The following ATP1A2 variants were observed in gnomAD, a reference collection of about 807,000 sequenced individuals.
The protein encoded by ATP1A2 is ATPase Na+/K+ transporting subunit alpha 2, also known as sodium/potassium-transporting ATPase subunit alpha-2.
In ATP1A2, 56 loss-of-function variants were observed where a neutral mutation model predicts 113.1. The ratio of observed to expected loss-of-function variants is 0.49; its 90% CI spans 0.40 to 0.62. The LOEUF is 0.62. Ranked by LOEUF, ATP1A2 falls within the 20% of genes least tolerant of loss-of-function variation. The pLI is 0.00. For missense variants in ATP1A2, 712 were observed against 1,357.8 expected (o/e 0.52, Z 7.47); for synonymous variants, 490 against 526.8 (o/e 0.93, Z 0.96).
Position 160,134,533 on chromosome 1 carries a change from A to C in ATP1A2, c.1877A>C (p.Lys626Thr). ...CCTATCACAGCCAAGGCCATTGCCA[A>C]AGGCGTGGGCATCATATCAGAGGGT... ...DHPITAKAIA[K>T]GVGIISEGNE... Residue 626 changes from lysine to threonine, a missense_variant, in exon 14 of 23, where the codon AAA (lysine) becomes ACA (threonine). This residue lies in a region of ATP1A2 where 263 missense variants were observed against 380.6 expected (regional missense o/e 0.69). Transcript: ENST00000361216. 6.2e-7 allele frequency: 1 copy of C among 1,614,200 alleles called. No individual in the cohort carries two copies. Among genetic ancestry groups the C allele is most frequent in the Non-Finnish European group, 8.5e-7 (1 of 1,180,020 alleles).
intron 13 of ATP1A2, among the ~76,000 whole-genome samples, chr1:160,133,647 T>G (rs1651833275): frequency 6.6e-6 from 1 of 152,084 alleles, no homozygotes; most frequent in Non-Finnish European, 1.5e-5. Context: ...GTCCATTACA[T>G]TGCTGCAGTG....
chr1:160,128,194 C>T (rs1651645743), intron 8 of ATP1A2, among the ~76,000 whole-genome samples: 1 of 152,192 alleles, frequency 6.6e-6, no homozygotes, highest in Admixed American at 6.5e-5. Flanking sequence ...GAAACAGATA[C>T]TGCTGTCCAC....
At chr1:160,138,631 CAA>C (rs1336664778) in intron 20 of ATP1A2, among the ~76,000 whole-genome samples, 2 of 152,080 alleles carry the variant, frequency 1.3e-5, no homozygotes, top group Non-Finnish European at 2.9e-5. Context: ...CAATTGAGCC[CAA>C]GAGTTTGGTA....
intron 22 of ATP1A2, chr1:160,140,567 G>T: frequency 6.0e-6 from 1 of 167,066 alleles, no homozygotes; most frequent in Non-Finnish European, 1.3e-5. Context: ...GAAAATTTAG[G>T]GTCTTTCACA....
intron 1 of ATP1A2, among the ~76,000 whole-genome samples, chr1:160,118,636 G>A (rs1178595516): frequency 1.3e-5 from 2 of 152,116 alleles, no homozygotes; most frequent in East Asian, 3.9e-4. Context: ...TTCAGGTGGA[G>A]ACAAACCCAC....
At chr1:160,120,780 C>T in intron 1 of ATP1A2, 126 bp from the exon 2 acceptor site, 1 of 958,100 alleles carries the variant, frequency 1.0e-6, no homozygotes, top group Non-Finnish European at 1.6e-6. Flanking sequence ...TCCCCCCTAT[C>T]TCCCCCAAGG....
At chr1:160,128,388 A>C in intron 8 of ATP1A2, 1 of 939,906 alleles carries the variant, frequency 1.1e-6, no homozygotes, top group Non-Finnish European at 1.6e-6. Context: ...GATGACTCAG[A>C]CATCCCTATG....
chr1:160,137,191 G>C, intron 20 of ATP1A2, 160 bp downstream of exon 20: 1 of 1,233,854 alleles, frequency 8.1e-7, no homozygotes, highest in Non-Finnish European at 1.1e-6. Flanking sequence ...TCATATAGAA[G>C]AGAGAAGCCA....
intron 11 of ATP1A2, 76 bp from the exon 12 acceptor site, chr1:160,130,026 C>A: frequency 6.3e-7 from 1 of 1,582,744 alleles, no homozygotes; most frequent in South Asian, 1.1e-5. Flanking sequence ...AAGGTGGTTT[C>A]CTTACCAGCT....
chr1:160,117,937 G>T (rs1201508784), intron 1 of ATP1A2, among the ~76,000 whole-genome samples: 2 of 151,718 alleles, frequency 1.3e-5, no homozygotes, highest in African/African-American at 2.4e-5. Flanking sequence ...GGGACTTGTG[G>T]TTGGGGGAGG....
At position 160,139,790 on chromosome 1, in the gene ATP1A2, GC is replaced by G. The variant is rs542001899; in HGVS notation, c.2942+54del. The G allele has an allele frequency of 3.7e-4, 604 of 1,612,398 alleles. 4 individuals carry two copies. In the Middle Eastern group the frequency reaches 5.8e-3, roughly 15 times the overall value. On this transcript the variant is annotated intron_variant, in intron 21 of 22. Transcript: ENST00000361216. The stretch of plus-strand genomic sequence containing the variant: ...TGAGTAGTCATACGGGGGGCCTTCA[GC>G]CCCCTCCAGGATCCAAGTTCTGATC...
rs1652176152 is a variant in ATP1A2, at chr1:160,142,273, G to A, written c.*951G>A. 6.6e-6 allele frequency: 1 copy of A among 152,184 alleles called. No homozygotes were observed. The highest frequency in any genetic ancestry group is 2.4e-5 in the African/African-American group (1 of 41,432). The allele number at this position is 152,184 out of a possible 1,614,324, so 9.4% of individuals were successfully genotyped here. A position where few individuals can be genotyped will look rare whatever the true frequency, so the allele number is the denominator to read the frequency against. On this transcript the variant is annotated 3_prime_UTR_variant, in exon 23 of 23. Coordinates refer to ENST00000361216, the MANE Select transcript of ATP1A2 (RefSeq NM_000702.4). Reference sequence around the variant, plus strand: ...GCTCCATGCTGTTCTGAAAGGGATGGCCACAAGTTCTTTCCCAGCCTCTTC... The same window carrying A: ...GCTCCATGCTGTTCTGAAAGGGATGACCACAAGTTCTTTCCCAGCCTCTTC...
rs886164050 is a variant in ATP1A2 at position 160,134,617 on chromosome 1, C to A, written c.1961C>A (p.Pro654His). Residue 654 changes from proline to histidine, a missense_variant, in exon 14 of 23, where the codon CCC (proline) becomes CAC (histidine). Physicochemically the swap from Pro to His is moderately conservative, Grantham distance 77. Around this residue, in one of 6 missense-constraint regions of ATP1A2, gnomAD observed 263 missense variants for 380.6 expected, o/e 0.69. Coordinates refer to ENST00000361216, the MANE Select transcript of ATP1A2 (RefSeq NM_000702.4). ...RLNIPMSQVN[P>H]REAKACVVHG... ...AACATTCCCATGAGTCAAGTCAACCCCAGGTGAGGCCTCTGCAGGAAGCCC... is the reference window on the plus strand; with the variant it reads ...AACATTCCCATGAGTCAAGTCAACCACAGGTGAGGCCTCTGCAGGAAGCCC... 3.7e-6 allele frequency: 6 copies of A among 1,614,062 alleles called. No individual in the cohort carries two copies. The African/African-American group carries it at 5.3e-5, about 14-fold the overall frequency.
chr1:160,130,598 G>A lies in ATP1A2; in HGVS notation c.1827+1G>A. 1 of 1,614,116 alleles carries A rather than the reference G, an allele frequency of 6.2e-7. No homozygotes were observed. Among genetic ancestry groups the A allele is most frequent in the Non-Finnish European group, 8.5e-7 (1 of 1,180,014 alleles). ...CAAGTGCCGAAGCGCAGGCATCAAGGTACTGGCCTCCCATCCTCCCCTCCA... is the reference window on the plus strand; with the variant it reads ...CAAGTGCCGAAGCGCAGGCATCAAGATACTGGCCTCCCATCCTCCCCTCCA... On this transcript the variant is annotated splice_donor_variant, in intron 13 of 22. Transcript: ENST00000361216. LOFTEE classifies it high-confidence loss of function.
At chr1:160,115,984 G>T in intron 1 of ATP1A2, 111 bp downstream of exon 1, 1 of 1,499,250 alleles carries the variant, frequency 6.7e-7, no homozygotes, top group Non-Finnish European at 9.1e-7. Context: ...AGCTGAGTGG[G>T]ATACTTGGAA....
intron 8 of ATP1A2, 29 bp from the exon 9 acceptor site, chr1:160,128,623 C>G (rs376250714): frequency 5.0e-6 from 8 of 1,614,044 alleles, no homozygotes; most frequent in East Asian, 4.5e-5. Flanking sequence ...TCAGCCTTAA[C>G]CTTTTTTATT....
chr1:160,122,414 A>T (rs1651436961), intron 3 of ATP1A2, among the ~76,000 whole-genome samples: 1 of 110,070 alleles, frequency 9.1e-6, no homozygotes, highest in African/African-American at 2.9e-5. Context: ...AAATGAATGA[A>T]TGAATGAAAA....
In ATP1A2 at chr1:160,135,685, G is replaced by A. The variant is rs1651916146; in HGVS notation, c.2284+83G>A. 8 of 1,611,340 alleles carry A rather than the reference G, an allele frequency of 5.0e-6. No homozygotes were observed. The highest frequency in any genetic ancestry group is 1.3e-5 in the African/African-American group (1 of 74,824). ...TCCCTGTCCCTTTACCCCAGTTGAA[G>A]AATCATTCCACAACTCTAGGCAGCC... On this transcript the variant is annotated intron_variant, in intron 16 of 22. Transcript: ENST00000361216. This position sits in a 1 kb window ranked among gnomAD's most constrained non-coding sequence, Gnocchi z 6.3.
intron 20 of ATP1A2, among the ~76,000 whole-genome samples, chr1:160,138,562 C>T (rs1652027625): frequency 6.6e-6 from 1 of 152,142 alleles, no homozygotes; most frequent in Admixed American, 6.6e-5. Flanking sequence ...GATGGAGTAG[C>T]CGGGGACAGT....
Sources: allele counts gnomAD v4.1 joint callset (sites outside exome capture counted in the v4.1 genomes callset), GRCh38; gene constraint gnomAD v4.1.1; regional missense constraint gnomAD v4.1.1; non-coding constraint Gnocchi (gnomAD v3.1); transcripts MANE v1.5; gene names NCBI Gene and HGNC (gene_info 2026-07-23, HGNC 2026-07-21).